The following SPOCK3 variants were observed in gnomAD, a reference collection of about 807,000 sequenced individuals.
SPOCK3 encodes the protein SPARC (osteonectin), cwcv and kazal like domains proteoglycan 3, also known as testican-3.
Under a neutral mutation model 56.6 loss-of-function variants are expected in SPOCK3, and 30 were observed. The observed-to-expected ratio is 0.53, with a 90% CI of 0.40 to 0.72. The LOEUF is 0.72. Ranked by LOEUF, SPOCK3 falls within the 30% of genes least tolerant of loss-of-function variation. The pLI is 0.00. For missense variants in SPOCK3, 527 were observed against 530.0 expected, an observed-to-expected ratio of 0.99 and a Z score of 0.06; for synonymous variants, 196 against 183.3, an observed-to-expected ratio of 1.07 and a Z score of -0.56.
chr4:167,074,188 C>T (rs1319947455), intron 2 of SPOCK3, among the ~76,000 whole-genome samples: 1 of 151,884 alleles, frequency 6.6e-6, no homozygotes, highest in Non-Finnish European at 1.5e-5. Flanking sequence ...CAGTACGTGA[C>T]TCACCCCCTT....
intron 4 of SPOCK3, among the ~76,000 whole-genome samples, chr4:166,952,646 A>G (rs1423115487): frequency 6.6e-6 from 1 of 152,208 alleles, no homozygotes; most frequent in African/African-American, 2.4e-5. Flanking sequence ...AGTCAAAAGA[A>G]CAAAGCTGGA....
intron 2 of SPOCK3, among the ~76,000 whole-genome samples, chr4:167,116,598 A>G (rs114715509): frequency 0.42 from 37,777 of 89,270 alleles, 6,813 homozygotes; most frequent in East Asian, 0.65. Context: ...ATATATATAC[A>G]TATATACTAT....
intron 5 of SPOCK3, among the ~76,000 whole-genome samples, chr4:166,890,679 T>C (rs1018284017): frequency 3.6e-4 from 55 of 152,068 alleles, no homozygotes; most frequent in African/African-American, 1.2e-3. Flanking sequence ...CTCCCAGTTA[T>C]GTGGTCAATT....
intron 4 of SPOCK3, among the ~76,000 whole-genome samples, chr4:166,968,809 A>T (rs568014846): frequency 6.6e-6 from 1 of 152,198 alleles, no homozygotes; most frequent in Admixed American, 6.5e-5. Flanking sequence ...AACTGTGCCA[A>T]TTCTCCAGAC....
chr4:167,128,973 A>G (rs1294703744), intron 2 of SPOCK3, among the ~76,000 whole-genome samples: 1 of 152,048 alleles, frequency 6.6e-6, no homozygotes, highest in Admixed American at 6.6e-5. Flanking sequence ...AAATGCATTG[A>G]TGAGAAATGA....
chr4:166,818,914 T>A (rs1039343459), intron 6 of SPOCK3, among the ~76,000 whole-genome samples: 10 of 152,148 alleles, frequency 6.6e-5, no homozygotes, highest in African/African-American at 2.4e-4. Context: ...CACAAGATAT[T>A]TTTAAAGTCT....
chr4:167,000,286 T>A (rs957891655), intron 4 of SPOCK3, 63 bp downstream of exon 4: 6 of 764,198 alleles, frequency 7.9e-6, no homozygotes, highest in Middle Eastern at 2.4e-4. Flanking sequence ...ATATTTATAC[T>A]CTGCAGTTAT....
chr4:167,223,004 A>G (rs1403895010), intron 2 of SPOCK3, among the ~76,000 whole-genome samples: 3 of 125,928 alleles, frequency 2.4e-5, no homozygotes, highest in African/African-American at 6.3e-5. Context: ...ATATGAATAT[A>G]TATTTTATAT....
Position 167,000,452 on chromosome 4 carries a change from C to T in SPOCK3, c.247G>A (p.Ala83Thr), listed in dbSNP as rs751832396. The change falls in exon 4 of 11, where the codon GCT becomes ACT. Residue 83 changes from alanine (A) to threonine (T), a missense_variant. By Grantham distance (58) the Ala-to-Thr change is moderately conservative. Coordinates refer to ENST00000357545, the MANE Select transcript of SPOCK3 (RefSeq NM_001040159.2). ...GKPFDQALDP[A>T]KDPCLKMKCS... is the part of the protein sequence containing the mutation. ...TTCATCTTTAAGCATGGATCCTTAG[C>T]TGGATCTAAAGCTAAAAAAATTGCA... 1.9e-6 allele frequency: 3 copies of T among 1,578,208 alleles called. No individual in the cohort carries two copies. The highest frequency in any genetic ancestry group is 2.6e-6 in the Non-Finnish European group (3 of 1,156,554).
intron 4 of SPOCK3, among the ~76,000 whole-genome samples, chr4:166,916,928 T>G (rs754406728): frequency 6.6e-6 from 1 of 152,162 alleles, no homozygotes; most frequent in Non-Finnish European, 1.5e-5. Flanking sequence ...TGATTTAGTG[T>G]TAACAAGTGA....
intron 3 of SPOCK3, among the ~76,000 whole-genome samples, chr4:167,049,621 T>C (rs1041966555): frequency 1.3e-5 from 2 of 152,156 alleles, no homozygotes; most frequent in African/African-American, 4.8e-5. Flanking sequence ...AAAATCATGC[T>C]CTAAAATCTA....
chr4:167,138,894 C>G (rs1186738885), intron 2 of SPOCK3, among the ~76,000 whole-genome samples: 6 of 151,856 alleles, frequency 4.0e-5, no homozygotes, highest in Admixed American at 2.6e-4. Flanking sequence ...AATCATAAGA[C>G]TAGAATAAAT....
At chr4:166,832,286 C>T (rs911956494) in intron 6 of SPOCK3, among the ~76,000 whole-genome samples, 4 of 151,880 alleles carry the variant, frequency 2.6e-5, no homozygotes, top group Non-Finnish European at 5.9e-5. Flanking sequence ...AGTCCAGTTT[C>T]TTTCTTCTGA....
chr4:167,035,321 C>T (rs1315334815), intron 3 of SPOCK3, among the ~76,000 whole-genome samples: 2 of 151,654 alleles, frequency 1.3e-5, no homozygotes, highest in African/African-American at 2.4e-5. Context: ...CAGAACATCT[C>T]AGTGTGATCC....
chr4:167,140,766 C>T (rs1346542263), intron 2 of SPOCK3, among the ~76,000 whole-genome samples: 4 of 151,936 alleles, frequency 2.6e-5, no homozygotes, highest in Non-Finnish European at 4.4e-5. Context: ...TTTGTCTCAG[C>T]CCACGGTCTG....
intron 4 of SPOCK3, among the ~76,000 whole-genome samples, chr4:166,950,274 G>A (rs905636469): frequency 2.6e-5 from 4 of 151,602 alleles, no homozygotes; most frequent in African/African-American, 9.7e-5. Flanking sequence ...AAAAAAGGCA[G>A]GGGTTGCAAT....
chr4:167,124,846 TCTC>T (rs1277991802), intron 2 of SPOCK3, among the ~76,000 whole-genome samples: 1 of 152,184 alleles, frequency 6.6e-6, no homozygotes, highest in Non-Finnish European at 1.5e-5. Context: ...AAAACTGTCT[TCTC>T]CTTCACTTAC....
At chr4:167,164,473 T>C (rs1255824036) in intron 2 of SPOCK3, among the ~76,000 whole-genome samples, 1 of 152,132 alleles carries the variant, frequency 6.6e-6, no homozygotes, top group African/African-American at 2.4e-5. Context: ...GTGCAGAATG[T>C]GCAGGTTTGT....
At chr4:167,018,207 G>A (rs2150156828) in intron 3 of SPOCK3, among the ~76,000 whole-genome samples, 1 of 152,186 alleles carries the variant, frequency 6.6e-6, no homozygotes, top group South Asian at 2.1e-4. Flanking sequence ...TGTTCAATTT[G>A]CTCCTGATGA....
Sources: gnomAD v4.1 joint callset for allele counts (sites outside exome capture counted in the v4.1 genomes callset) on GRCh38, gnomAD v4.1.1 for gene constraint, MANE v1.5 for transcripts, NCBI Gene and HGNC (gene_info 2026-07-23, HGNC 2026-07-21) for gene names.